Variants in PDX1 observed in about 807,000 individuals in gnomAD.
The protein encoded by PDX1 is pancreatic and duodenal homeobox 1, also known as pancreas/duodenum homeobox protein 1.
In PDX1, 7 loss-of-function variants were observed where a neutral mutation model predicts 11.1. The ratio of observed to expected loss-of-function variants is 0.63; its 90% CI spans 0.36 to 1.19. PDX1 has a LOEUF of 1.19. Ranked by LOEUF, PDX1 falls within the 50% of genes most tolerant of loss-of-function variation. PDX1 has a pLI of 0.02. For missense variants in PDX1, 449 were observed against 412.1 expected (o/e 1.09, Z -0.78); for synonymous variants, 232 against 196.2 (o/e 1.18, Z -1.53).
intron 1 of PDX1, among the ~76,000 whole-genome samples, chr13:27,920,896 A>C (rs1291856903): frequency 6.6e-6 from 1 of 152,170 alleles, no homozygotes; most frequent in Non-Finnish European, 1.5e-5. Context: ...GGGATCCGGG[A>C]ACCCAGGACT....
At chr13:27,921,406 A>C (rs1957786173) in intron 1 of PDX1, among the ~76,000 whole-genome samples, 1 of 152,192 alleles carries the variant, frequency 6.6e-6, no homozygotes. Context: ...CGGGAGCCGG[A>C]GGCACGGGGT....
chr13:27,924,255 G>C lies in PDX1; in HGVS notation c.407-1G>C. The C allele has an allele frequency of 6.3e-7, 1 of 1,595,322 alleles. No homozygotes were observed. Among genetic ancestry groups the C allele is most frequent in the Non-Finnish European group, 8.5e-7 (1 of 1,170,976 alleles). ...ACACTCACGCCCTGTGTCGCCCGCA[G>C]GCGGCGCCTACGCTGCGGAGCCGGA... On this transcript the variant is annotated splice_acceptor_variant, in intron 1 of 1. Coordinates refer to ENST00000381033, the MANE Select transcript of PDX1 (RefSeq NM_000209.4). LOFTEE classifies it high-confidence loss of function. This position sits in a 1 kb window ranked among gnomAD's most constrained non-coding sequence, Gnocchi z 4.8.
intron 1 of PDX1, among the ~76,000 whole-genome samples, chr13:27,923,051 T>C (rs1957799580): frequency 6.6e-6 from 1 of 152,206 alleles, no homozygotes; most frequent in Non-Finnish European, 1.5e-5. Flanking sequence ...ACACTCGCCT[T>C]TCAATTCCTT....
At position 27,924,238 on chromosome 13, in the gene PDX1, G is replaced by A. The variant is rs748191433; in HGVS notation, c.407-18G>A. 31 of 1,571,004 alleles carry A rather than the reference G, an allele frequency of 2.0e-5. No individual in the cohort carries two copies. Among genetic ancestry groups the A allele is most frequent in the Non-Finnish European group, 2.6e-5 (30 of 1,159,994 alleles). ...GCGGGGCTCCGGGGGCCACACTCAC[G>A]CCCTGTGTCGCCCGCAGGCGGCGCC... On this transcript the variant is annotated intron_variant, in intron 1 of 1. Coordinates refer to ENST00000381033, the MANE Select transcript of PDX1 (RefSeq NM_000209.4). The surrounding 1 kb of genome is among the most constrained non-coding windows in gnomAD (Gnocchi z 4.8).
At position 27,920,103 on chromosome 13, in the gene PDX1, C is replaced by A; in HGVS notation, c.-36C>A. 1 of 1,548,634 alleles carries A rather than the reference C, an allele frequency of 6.5e-7. No homozygotes were observed. The highest frequency in any genetic ancestry group is 2.4e-5 in the East Asian group (1 of 40,892). On this transcript the variant is annotated 5_prime_UTR_variant, in exon 1 of 2. Transcript: ENST00000381033. Reference sequence around the variant, plus strand: ...CCAGCTCCCGACTCCCGGCTCCCGGCTCCCGGCTCCCGGTGCCCAATCCCG... The same window carrying A: ...CCAGCTCCCGACTCCCGGCTCCCGGATCCCGGCTCCCGGTGCCCAATCCCG...
In PDX1 at chr13:27,924,220, T is replaced by A; in HGVS notation, c.407-36T>A. The A allele has an allele frequency of 1.3e-6, 2 of 1,523,444 alleles. No individual in the cohort carries two copies. The highest frequency in any genetic ancestry group is 2.5e-5 in the South Asian group (2 of 79,754). 94.4% of individuals were successfully genotyped at this position (1,523,444 alleles called of 1,614,324 possible). ...TGCGTGGGTGGGGGCTGTGCGGGGCTCCGGGGGCCACACTCACGCCCTGTG... is the reference window on the plus strand; with the variant it reads ...TGCGTGGGTGGGGGCTGTGCGGGGCACCGGGGGCCACACTCACGCCCTGTG... On this transcript the variant is annotated intron_variant, in intron 1 of 1. Transcript: ENST00000381033. This position sits in a 1 kb window ranked among gnomAD's most constrained non-coding sequence, Gnocchi z 4.8.
At position 27,924,107 on chromosome 13, in the gene PDX1, C is replaced by A; in HGVS notation, c.407-149C>A. On this transcript the variant is annotated intron_variant, in intron 1 of 1. Coordinates refer to ENST00000381033, the MANE Select transcript of PDX1 (RefSeq NM_000209.4). This position sits in a 1 kb window ranked among gnomAD's most constrained non-coding sequence, Gnocchi z 4.8. ...AAGAGCTTCGCGCGCCTACACTAGG[C>A]GCTGAAATGGGATGCTGGGGCTTGG... 1.6e-6 allele frequency: 1 copy of A among 637,264 alleles called. No homozygotes were observed. The highest frequency in any genetic ancestry group is 2.6e-6 in the Non-Finnish European group (1 of 382,426). The allele number at this position is 637,264 out of a possible 1,614,324, so 39.5% of individuals were successfully genotyped here. A position where few individuals can be genotyped will look rare whatever the true frequency, so the allele number is the denominator to read the frequency against.
In PDX1 at chr13:27,924,387, G is replaced by T. The variant is rs1957809524; in HGVS notation, c.538G>T (p.Ala180Ser). The change falls in exon 2 of 2, where the codon GCT becomes TCT. Residue 180 changes from alanine (A) to serine (S), a missense_variant. Physicochemically the swap from Ala to Ser is moderately conservative, Grantham distance 99 (BLOSUM62 1). Transcript: ENST00000381033. The surrounding 1 kb of genome is among the most constrained non-coding windows in gnomAD (Gnocchi z 4.8). ...CTCACGGCCGCGCCGGGTGGAGCTG[G>T]CTGTCATGTTGAACTTGACCGAGAG... ...YISRPRRVEL[A>S]VMLNLTERHI... 4 of 1,613,010 alleles carry T rather than the reference G, an allele frequency of 2.5e-6. No individual in the cohort carries two copies. Among genetic ancestry groups the T allele is most frequent in the Non-Finnish European group, 3.4e-6 (4 of 1,179,954 alleles).
In PDX1 at chr13:27,924,266, C is replaced by T. The variant is rs1420738660; in HGVS notation, c.417C>T (p.Tyr139=). Reference sequence around the variant, plus strand: ...CTGTGTCGCCCGCAGGCGGCGCCTACGCTGCGGAGCCGGAGGAGAACAAGC... The same window carrying T: ...CTGTGTCGCCCGCAGGCGGCGCCTATGCTGCGGAGCCGGAGGAGAACAAGC... ...AWKGQWAGGA[Y]AAEPEENKRT... is the part of the protein sequence containing the mutation. The change falls in exon 2 of 2, where the codon TAC becomes TAT. Residue 139 remains tyrosine, a synonymous_variant. Coordinates refer to ENST00000381033, the MANE Select transcript of PDX1 (RefSeq NM_000209.4). The surrounding 1 kb of genome is among the most constrained non-coding windows in gnomAD (Gnocchi z 4.8). 1.9e-6 allele frequency: 3 copies of T among 1,602,240 alleles called. No individual in the cohort carries two copies. The Admixed American group carries it at 5.1e-5, about 27-fold the overall frequency.
In PDX1 at chr13:27,924,594, C is replaced by T; in HGVS notation, c.745C>T (p.Pro249Ser). Residue 249 changes from proline (P) to serine (S), a missense_variant, in exon 2 of 2, where the codon CCG becomes TCG. Coordinates refer to ENST00000381033, the MANE Select transcript of PDX1 (RefSeq NM_000209.4). The surrounding 1 kb of genome is among the most constrained non-coding windows in gnomAD (Gnocchi z 4.8). ...PPPPPPGGAV[P>S]PAAPVAAREG... The stretch of plus-strand genomic sequence containing the variant: ...GCCGCCGCCCCCCGGAGGTGCTGTG[C>T]CGCCCGCTGCCCCCGTTGCCGCCCG... The T allele has an allele frequency of 6.8e-7, 1 of 1,463,296 alleles. No homozygotes were observed. The highest frequency in any genetic ancestry group is 1.4e-5 in the South Asian group (1 of 71,448). The allele number at this position is 1,463,296 out of a possible 1,614,324, so 90.6% of individuals were successfully genotyped here.
chr13:27,925,741 C>T lies in PDX1; in HGVS notation c.*1040C>T, dbSNP rs75697516. ...CTGAGGAAGAGAACATCTTGCAAGG[C>T]AGGGCGAGCAGCGGCAGGGCTGGCT... On this transcript the variant is annotated 3_prime_UTR_variant, in exon 2 of 2. Transcript: ENST00000381033. 720 of 158,828 alleles carry T rather than the reference C, an allele frequency of 4.5e-3. 3 individuals carry two copies. Among genetic ancestry groups the T allele is most frequent in the African/African-American group, 0.015 (640 of 41,642 alleles). The allele number at this position is 158,828 out of a possible 1,614,324, so 9.8% of individuals were successfully genotyped here.
Position 27,920,364 on chromosome 13 carries a change from G to T in PDX1, c.226G>T (p.Asp76Tyr), listed in dbSNP as rs137852783. The T allele has an allele frequency of 6.5e-7, 1 of 1,545,458 alleles. No homozygotes were observed. Among genetic ancestry groups the T allele is most frequent in the Non-Finnish European group, 8.7e-7 (1 of 1,144,672 alleles). The part of the protein sequence containing the change: ...SPYEVPPLAD[D>Y]PAVAHLHHHL... Reference sequence around the variant, plus strand: ...GTACGAGGTGCCCCCCCTCGCCGACGACCCCGCGGTGGCGCACCTTCACCA... The same window carrying T: ...GTACGAGGTGCCCCCCCTCGCCGACTACCCCGCGGTGGCGCACCTTCACCA... The change falls in exon 1 of 2, where the codon GAC (aspartate) becomes TAC (tyrosine). Residue 76 changes from aspartate (D) to tyrosine (Y), a missense_variant. This residue lies in a region of PDX1 where 263 missense variants were observed against 212.5 expected (regional missense o/e 1.24). Coordinates refer to ENST00000381033, the MANE Select transcript of PDX1 (RefSeq NM_000209.4).
In PDX1 at chr13:27,923,893, A is replaced by G. The variant is rs944826195; in HGVS notation, c.407-363A>G. 2.6e-5 allele frequency among the ~76,000 whole-genome samples: 4 copies of G among 152,266 alleles called. 1 individual carries two copies. The East Asian group carries it at 7.7e-4, about 29-fold the overall frequency. On this transcript the variant is annotated intron_variant, in intron 1 of 1. Coordinates refer to ENST00000381033, the MANE Select transcript of PDX1 (RefSeq NM_000209.4). ...ATTAAAGGCGTTTTATTGCCTTTGT[A>G]GGATCCAGCCGGTTTAACTATTATA...
At position 27,920,294 on chromosome 13, in the gene PDX1, C is replaced by A. The variant is rs541495521; in HGVS notation, c.156C>A (p.Gly52=). ...PPPPPPHPFP[G]ALGALEQGSP... The stretch of plus-strand genomic sequence containing the variant: ...CGCCGCCGCCGCACCCGTTCCCTGG[C>A]GCCCTGGGCGCGCTGGAGCAGGGCA... Residue 52 remains glycine (G), a synonymous_variant, in exon 1 of 2, where the codon GGC becomes GGA. Transcript: ENST00000381033. 9 of 1,537,888 alleles carry A rather than the reference C, an allele frequency of 5.9e-6. No individual in the cohort carries two copies. The East Asian group carries it at 1.2e-4, about 21-fold the overall frequency.
chr13:27,920,095 G>T lies in PDX1; in HGVS notation c.-44G>T, dbSNP rs1398444348. On this transcript the variant is annotated 5_prime_UTR_variant, in exon 1 of 2. Transcript: ENST00000381033. The stretch of plus-strand genomic sequence containing the variant: ...CCCCGGCTCCAGCTCCCGACTCCCG[G>T]CTCCCGGCTCCCGGCTCCCGGTGCC... 6.5e-7 allele frequency: 1 copy of T among 1,544,326 alleles called. No individual in the cohort carries two copies. Among genetic ancestry groups the T allele is most frequent in the Non-Finnish European group, 8.7e-7 (1 of 1,143,034 alleles).
Position 27,924,696 on chromosome 13 carries a change from C to A in PDX1, c.847C>A (p.Arg283=). ...CGCGCCTCGGCGGCCGCAGGAACCA[C>A]GATGAGAGGCAGGAGCTGCTCCTGG... ...SVAPRRPQEP[R] is the part of the protein sequence containing the mutation. The change falls in exon 2 of 2, where the codon CGA becomes AGA. Residue 283 remains arginine, a synonymous_variant. Transcript: ENST00000381033. This position sits in a 1 kb window ranked among gnomAD's most constrained non-coding sequence, Gnocchi z 4.8. The A allele has an allele frequency of 6.8e-7, 1 of 1,472,302 alleles. No homozygotes were observed. Among genetic ancestry groups the A allele is most frequent in the Non-Finnish European group, 9.0e-7 (1 of 1,117,022 alleles). The allele number at this position is 1,472,302 out of a possible 1,614,324, so 91.2% of individuals were successfully genotyped here.
chr13:27,922,624 T>G (rs1281925558), intron 1 of PDX1, among the ~76,000 whole-genome samples: 1 of 152,222 alleles, frequency 6.6e-6, no homozygotes, highest in East Asian at 1.9e-4. Flanking sequence ...GGGCCCAGGC[T>G]TGGCGACCTT....
At chr13:27,921,575 G>A (rs1364307449) in intron 1 of PDX1, among the ~76,000 whole-genome samples, 2 of 152,218 alleles carry the variant, frequency 1.3e-5, no homozygotes, top group Non-Finnish European at 2.9e-5. Flanking sequence ...GCCGGGAGTA[G>A]GGGGAAGCAG....
chr13:27,921,863 C>T (rs758901570), intron 1 of PDX1, among the ~76,000 whole-genome samples: 1 of 152,356 alleles, frequency 6.6e-6, no homozygotes, highest in East Asian at 1.9e-4. Context: ...GAAGCTGCCG[C>T]GGCGCCTCTG....
Sources: gnomAD v4.1 joint callset for allele counts (sites outside exome capture counted in the v4.1 genomes callset) on GRCh38, gnomAD v4.1.1 for gene constraint, gnomAD v4.1.1 regional missense constraint, Gnocchi (gnomAD v3.1) non-coding constraint, MANE v1.5 for transcripts, NCBI Gene and HGNC (gene_info 2026-07-23, HGNC 2026-07-21) for gene names.